Variants in CLNK observed in about 807,000 individuals in gnomAD.
CLNK encodes cytokine dependent hematopoietic cell linker.
A neutral mutation model predicts 68.6 loss-of-function variants in CLNK; 74 were observed. The ratio of observed to expected loss-of-function variants is 1.08; its 90% confidence interval spans 0.89 to 1.31. The LOEUF (loss-of-function observed/expected upper bound fraction) is 1.31. Ranked by LOEUF, CLNK falls within the 50% of genes most tolerant of loss-of-function variation. The pLI is 0.00. For missense variants in CLNK, 553 were observed against 515.3 expected, an observed-to-expected ratio of 1.07 and a Z score of -0.71; for synonymous variants, 198 against 172.2, an observed-to-expected ratio of 1.15 and a Z score of -1.17.
At chr4:10,696,028 G>C in the CLNK span, among the ~76,000 whole-genome samples, 4 of 152,076 alleles carry the variant, frequency 2.6e-5, no homozygotes, top group Admixed American at 2.0e-4. Flanking sequence ...GTAAATTTTT[G>C]TATTTTTAGT....
intron 2 of CLNK, among the ~76,000 whole-genome samples, chr4:10,650,800 T>C (rs1282733481): frequency 6.6e-6 from 1 of 152,024 alleles, no homozygotes; most frequent in Non-Finnish European, 1.5e-5. Flanking sequence ...AATCTATGCA[T>C]CTGGCAAAAG....
At chr4:10,598,204 G>A in intron 2 of CLNK, 155 bp from the exon 3 acceptor site, 1 of 602,284 alleles carries the variant, frequency 1.7e-6, no homozygotes, top group Non-Finnish European at 2.9e-6. Flanking sequence ...TTACCACTAG[G>A]GTTAAAGAAA....
At chr4:10,607,491 C>A (rs1052744532) in intron 2 of CLNK, among the ~76,000 whole-genome samples, 22 of 152,152 alleles carry the variant, frequency 1.4e-4, no homozygotes, top group Non-Finnish European at 4.4e-5. Context: ...ATTGCAAACC[C>A]TACTCAGAGA....
At chr4:10,643,585 G>A (rs140694457) in intron 2 of CLNK, among the ~76,000 whole-genome samples, 2 of 152,180 alleles carry the variant, frequency 1.3e-5, no homozygotes, top group Admixed American at 6.5e-5. Context: ...ACGCTCAGGC[G>A]CATAATAACA....
chr4:10,527,096 T>A (rs1427917689), intron 13 of CLNK, among the ~76,000 whole-genome samples: 1 of 152,210 alleles, frequency 6.6e-6, no homozygotes, highest in Non-Finnish European at 1.5e-5. Flanking sequence ...AATCATTTCA[T>A]GTCATCAATA....
At chr4:10,517,544 C>T (rs1026844545) in intron 15 of CLNK, 1 of 152,136 alleles carries the variant, frequency 6.6e-6, no homozygotes, top group African/African-American at 2.4e-5. Context: ...TACTAATACA[C>T]AATAAAATTG....
chr4:10,524,377 C>G (rs531327429), intron 14 of CLNK, among the ~76,000 whole-genome samples: 1 of 152,308 alleles, frequency 6.6e-6, no homozygotes, highest in African/African-American at 2.4e-5. Context: ...TTGCAACATG[C>G]CTGACTCTGC....
intron 2 of CLNK, among the ~76,000 whole-genome samples, chr4:10,603,814 A>G (rs185888270): frequency 6.6e-6 from 1 of 152,324 alleles, no homozygotes; most frequent in Admixed American, 6.5e-5. Flanking sequence ...ATTCCCAAAA[A>G]AGGTTAAGAG....
At chr4:10,708,865 A>G in the CLNK span, among the ~76,000 whole-genome samples, 17 of 152,324 alleles carry the variant, frequency 1.1e-4, no homozygotes, top group Non-Finnish European at 2.4e-4. Flanking sequence ...GTAAAGGGAA[A>G]AAGATCAGGA....
intron 3 of CLNK, among the ~76,000 whole-genome samples, chr4:10,586,002 G>A (rs1256516962): frequency 6.6e-6 from 1 of 152,104 alleles, no homozygotes; most frequent in African/African-American, 2.4e-5. Flanking sequence ...ATCATGCGTT[G>A]GTAGGAGTCT....
intron 8 of CLNK, among the ~76,000 whole-genome samples, chr4:10,552,206 C>T (rs1719491199): frequency 6.6e-6 from 1 of 152,044 alleles, no homozygotes; most frequent in Non-Finnish European, 1.5e-5. Flanking sequence ...CCCATCTTAT[C>T]TTTTCCTTAA....
At chr4:10,500,938 G>A (rs779082704) in intron 18 of CLNK, among the ~76,000 whole-genome samples, 1 of 152,208 alleles carries the variant, frequency 6.6e-6, no homozygotes, top group African/African-American at 2.4e-5. Flanking sequence ...TTTCAGTGCT[G>A]AGGAGGGAAA....
chr4:10,557,157 C>T (rs1719707748), intron 8 of CLNK, among the ~76,000 whole-genome samples: 1 of 152,068 alleles, frequency 6.6e-6, no homozygotes, highest in Non-Finnish European at 1.5e-5. Context: ...TAAGGTCACA[C>T]AGCCAGGGAG....
intron 17 of CLNK, among the ~76,000 whole-genome samples, chr4:10,501,742 C>T (rs1717061412): frequency 6.6e-6 from 1 of 152,144 alleles, no homozygotes; most frequent in Non-Finnish European, 1.5e-5. Context: ...GGCCTGCCAA[C>T]ACAGAAAAAC....
intron 2 of CLNK, among the ~76,000 whole-genome samples, chr4:10,658,971 G>A (rs1188774300): frequency 1.3e-5 from 2 of 152,142 alleles, no homozygotes; most frequent in Admixed American, 1.3e-4. Flanking sequence ...TGGGAGGTGA[G>A]GCGGGTGGAT....
intron 1 of CLNK, among the ~76,000 whole-genome samples, chr4:10,683,662 T>C (rs1725170815): frequency 6.6e-6 from 1 of 152,194 alleles, no homozygotes; most frequent in Non-Finnish European, 1.5e-5. Context: ...CAGTTGCCAT[T>C]CCTACTTCTC....
intron 2 of CLNK, among the ~76,000 whole-genome samples, chr4:10,640,515 A>G (rs965409718): frequency 1.3e-5 from 2 of 152,234 alleles, no homozygotes; most frequent in African/African-American, 4.8e-5. Context: ...TGTGTCACAC[A>G]CACACATAAC....
At chr4:10,571,285 G>A (rs1325094964) in intron 5 of CLNK, among the ~76,000 whole-genome samples, 1 of 148,166 alleles carries the variant, frequency 6.7e-6, no homozygotes, top group East Asian at 2.0e-4. Context: ...AGGAAAGTAT[G>A]CCACTTGGAA....
Position 10,490,422 on chromosome 4 carries a change from T to G in CLNK, c.*45A>C, listed in dbSNP as rs1560185394. 6.3e-7 allele frequency: 1 copy of G among 1,587,216 alleles called. No individual in the cohort carries two copies. Among genetic ancestry groups the G allele is most frequent in the Admixed American group, 1.9e-5 (1 of 53,638 alleles). ...AAACTTTTGAAATCAATGAAAACAA[T>G]GGAAGCGCTGAATCCAGTAAACCAA... On this transcript the variant is annotated 3_prime_UTR_variant, in exon 19 of 19. Coordinates refer to ENST00000226951, the MANE Select transcript of CLNK (RefSeq NM_052964.4).
Sources: gnomAD v4.1 joint callset for allele counts (sites outside exome capture counted in the v4.1 genomes callset) on GRCh38, gnomAD v4.1.1 for gene constraint, MANE v1.5 for transcripts, NCBI Gene and HGNC (gene_info 2026-07-23, HGNC 2026-07-21) for gene names.